The following GABBR2 variants were observed in gnomAD, a reference collection of about 807,000 sequenced individuals.
GABBR2 encodes the protein gamma-aminobutyric acid type B receptor subunit 2, also known as G-protein coupled receptor 51.
GABBR2 carries 23 observed loss-of-function variants against 105.6 expected under a neutral mutation model. The ratio of observed to expected loss-of-function variants is 0.22; its 90% CI spans 0.16 to 0.31. The LOEUF is 0.31. Among genes scored for constraint, GABBR2 ranks in the 10% least tolerant of loss-of-function variants. The probability of loss-of-function intolerance (pLI) is 1.00; values close to 1 mark genes in which losing one functional copy is unlikely to be tolerated. For missense variants in GABBR2, 734 were observed against 1,245.5 expected, an observed-to-expected ratio of 0.59 and a Z score of 6.18; for synonymous variants, 478 against 499.7, an observed-to-expected ratio of 0.96 and a Z score of 0.58.
At chr9:98,630,938 C>A (rs1829808568) in intron 1 of GABBR2, among the ~76,000 whole-genome samples, 1 of 152,114 alleles carries the variant, frequency 6.6e-6, no homozygotes, top group South Asian at 2.1e-4. Flanking sequence ...TACACTAACC[C>A]CATTTCAAGT....
intron 5 of GABBR2, among the ~76,000 whole-genome samples, chr9:98,473,740 A>G (rs982448030): frequency 3.3e-5 from 5 of 152,216 alleles, no homozygotes; most frequent in African/African-American, 1.2e-4. Context: ...ATCAATAAGG[A>G]GAAAACATAC....
Position 98,394,147 on chromosome 9 carries a change from C to T in GABBR2, c.1378+28G>A, listed in dbSNP as rs375764490. 4 of 1,526,920 alleles carry T rather than the reference C, an allele frequency of 2.6e-6. No individual in the cohort carries two copies. The African/African-American group carries it at 4.1e-5, about 16-fold the overall frequency. The allele number at this position is 1,526,920 out of a possible 1,614,324, so 94.6% of individuals were successfully genotyped here. A position where few individuals can be genotyped will look rare whatever the true frequency, so the allele number is the denominator to read the frequency against. The stretch of plus-strand genomic sequence containing the variant: ...GGCTTGGGAGCAACTGGGCAGGCCC[C>T]CTCCTCTGAGAAGCCCACCTGCCTT... On this transcript the variant is annotated intron_variant, in intron 9 of 18. Transcript: ENST00000259455.
intron 6 of GABBR2, among the ~76,000 whole-genome samples, chr9:98,468,076 G>A (rs1483373221): frequency 2.0e-5 from 3 of 152,316 alleles, no homozygotes; most frequent in African/African-American, 4.8e-5. Flanking sequence ...TCCAGGGGCT[G>A]TCTTCATGAG....
intron 1 of GABBR2, among the ~76,000 whole-genome samples, chr9:98,587,108 A>G (rs1829088938): frequency 1.3e-5 from 2 of 152,172 alleles, no homozygotes; most frequent in African/African-American, 4.8e-5. Flanking sequence ...TCTTGTGGGT[A>G]TTTGATATCA....
At chr9:98,405,003 G>A (rs537344883) in intron 8 of GABBR2, among the ~76,000 whole-genome samples, 2 of 152,048 alleles carry the variant, frequency 1.3e-5, no homozygotes, top group African/African-American at 4.8e-5. Flanking sequence ...AATGTTTTAG[G>A]TGTGATAATA....
chr9:98,368,349 TA>T (rs1831718333), intron 12 of GABBR2, among the ~76,000 whole-genome samples: 1 of 145,472 alleles, frequency 6.9e-6, no homozygotes, highest in Admixed American at 6.8e-5. Flanking sequence ...TAAAAAAGGT[TA>T]AAAAAGTGTG....
chr9:98,340,494 A>C (rs1208837479), intron 13 of GABBR2, among the ~76,000 whole-genome samples: 1 of 151,846 alleles, frequency 6.6e-6, no homozygotes, highest in Non-Finnish European at 1.5e-5. Flanking sequence ...TCCTAGGCTC[A>C]AGTGATCCTC....
intron 1 of GABBR2, among the ~76,000 whole-genome samples, chr9:98,617,295 G>C (rs937452894): frequency 2.6e-5 from 4 of 152,172 alleles, no homozygotes; most frequent in Non-Finnish European, 2.9e-5. Flanking sequence ...CCCAAAGGAG[G>C]TGAGGATCTG....
rs116090562 is a variant in GABBR2 at position 98,429,911 on chromosome 9, A to G, written c.1237-23770T>C. 8.0e-3 allele frequency among the ~76,000 whole-genome samples: 1,224 copies of G among 152,242 alleles called. 16 individuals carry two copies. The highest frequency in any genetic ancestry group is 0.025 in the East Asian group (129 of 5,190). On this transcript the variant is annotated intron_variant, in intron 7 of 18. Coordinates refer to ENST00000259455, the MANE Select transcript of GABBR2 (RefSeq NM_005458.8). ...TTCCAGCCACACTGGCTTCCTTGTC[A>G]TGCCCACACACTCCAACTTCTTTGC...
intron 2 of GABBR2, among the ~76,000 whole-genome samples, chr9:98,544,532 T>G (rs990069637): frequency 2.0e-5 from 3 of 152,124 alleles, no homozygotes; most frequent in Non-Finnish European, 4.4e-5. Context: ...AGACGAGGAC[T>G]AATGAGAGGG....
In GABBR2 at chr9:98,306,107, G is replaced by GC. The variant is rs1156518832; in HGVS notation, c.2229+13dup. The GC allele has an allele frequency of 6.3e-7, 1 of 1,595,268 alleles. No homozygotes were observed. The highest frequency in any genetic ancestry group is 2.2e-5 in the East Asian group (1 of 44,706). On this transcript the variant is annotated intron_variant, in intron 15 of 18. Transcript: ENST00000259455. The surrounding 1 kb of genome is among the most constrained non-coding windows in gnomAD (Gnocchi z 5.4). ...CAGAGGGCAGAGGCCAGGTGGTGGGGCCAGCGCCTGTACCTTCGGCACGAA... is the reference window on the plus strand; with the variant it reads ...CAGAGGGCAGAGGCCAGGTGGTGGGGCCCAGCGCCTGTACCTTCGGCACGAA...
At chr9:98,636,610 CAGCCTCCCAAGTAGCTGGGACT>C (rs1479468048) in intron 1 of GABBR2, among the ~76,000 whole-genome samples, 10 of 148,484 alleles carry the variant, frequency 6.7e-5, no homozygotes, top group Non-Finnish European at 1.5e-4. Context: ...TCTCCCGCCT[CAGCCTCCCAAGTAGCTGGGACT>C]ACAGATGCAT....
intron 7 of GABBR2, among the ~76,000 whole-genome samples, chr9:98,442,848 C>T (rs540675997): frequency 6.6e-4 from 100 of 152,358 alleles, no homozygotes; most frequent in Non-Finnish European, 1.0e-3. Flanking sequence ...TTCATCATCA[C>T]ATGGCATTCT....
chr9:98,357,770 G>A (rs1041389502), intron 13 of GABBR2, among the ~76,000 whole-genome samples: 23 of 151,914 alleles, frequency 1.5e-4, no homozygotes, highest in Admixed American at 1.5e-3. Context: ...AGCCTTACAG[G>A]ACCTGTGTGC....
At chr9:98,484,802 C>G (rs1391519284) in intron 4 of GABBR2, among the ~76,000 whole-genome samples, 1 of 152,226 alleles carries the variant, frequency 6.6e-6, no homozygotes, top group Non-Finnish European at 1.5e-5. Flanking sequence ...TGTGCATGCT[C>G]TCATGAAAGT....
At chr9:98,543,663 C>A (rs1259421349) in intron 2 of GABBR2, among the ~76,000 whole-genome samples, 1 of 152,178 alleles carries the variant, frequency 6.6e-6, no homozygotes, top group Non-Finnish European at 1.5e-5. Context: ...CCAGCTTCTT[C>A]CTATGTGTAA....
At chr9:98,677,364 C>G (rs1564149020) in intron 1 of GABBR2, among the ~76,000 whole-genome samples, 1 of 152,308 alleles carries the variant, frequency 6.6e-6, no homozygotes, top group East Asian at 1.9e-4. Flanking sequence ...ATTGGCTTTT[C>G]ACATATTAAT....
rs774723910 is a variant in GABBR2, at chr9:98,708,567, G to A, written c.171C>T (p.Ser57=). ...PRPPPSSPPL[S]IMGLMPLTKE... is the part of the protein sequence containing the mutation. ...TGGTGAGCGGCATGAGGCCCATGAT[G>A]GAGAGCGGCGGGCTGCTGGGCGGCG... is the stretch of plus-strand genomic sequence containing the variant. Residue 57 remains serine (S), a synonymous_variant, in exon 1 of 19, where the codon TCC becomes TCT. Transcript: ENST00000259455. The A allele has an allele frequency of 1.9e-6, 3 of 1,549,822 alleles. No homozygotes were observed. Among genetic ancestry groups the A allele is most frequent in the East Asian group, 2.5e-5 (1 of 40,546 alleles).
intron 8 of GABBR2, among the ~76,000 whole-genome samples, chr9:98,399,708 T>C (rs1278886122): frequency 1.3e-5 from 2 of 148,414 alleles, no homozygotes; most frequent in Admixed American, 6.6e-5. Flanking sequence ...AGGGTTTATC[T>C]ACATCAAAAT....
Sources: allele counts gnomAD v4.1 joint callset (sites outside exome capture counted in the v4.1 genomes callset), GRCh38; gene constraint gnomAD v4.1.1; non-coding constraint Gnocchi (gnomAD v3.1); transcripts MANE v1.5; gene names NCBI Gene and HGNC (gene_info 2026-07-23, HGNC 2026-07-21).